Variants in NUDT13 observed in about 807,000 individuals in gnomAD.
The protein encoded by NUDT13 is nudix hydrolase 13, also known as NAD(P)H pyrophosphatase NUDT13, mitochondrial.
In NUDT13, 40 loss-of-function variants were observed where a neutral mutation model predicts 41.7. The ratio of observed to expected loss-of-function variants is 0.96; its 90% CI spans 0.75 to 1.25. NUDT13 has a LOEUF of 1.25. Among genes scored for constraint, NUDT13 ranks in the 50% most tolerant of loss-of-function variants. NUDT13 has a pLI of 0.00. For missense variants in NUDT13, 390 were observed against 416.1 expected, an observed-to-expected ratio of 0.94 and a Z score of 0.55; for synonymous variants, 145 against 155.5, an observed-to-expected ratio of 0.93 and a Z score of 0.50.
chr10:73,120,156 A>G lies in NUDT13; in HGVS notation c.222A>G (p.Leu74=). The G allele has an allele frequency of 6.2e-7, 1 of 1,614,184 alleles. No homozygotes were observed. The highest frequency in any genetic ancestry group is 8.5e-7 in the Non-Finnish European group (1 of 1,180,018). Residue 74 remains leucine (L), a splice_region_variant and synonymous_variant, in exon 3 of 9, where the codon TTA becomes TTG. Transcript: ENST00000357321. ...HQYLAPRHSL[L]ELERLLGKFG... ...ACCTGGCCCCCCGGCACAGCCTGTT[A>G]GGTAAGTCCAGAGTGGACCAGTGGC...
chr10:73,113,647 C>T (rs1842425322), intron 1 of NUDT13, among the ~76,000 whole-genome samples: 1 of 152,098 alleles, frequency 6.6e-6, no homozygotes, highest in African/African-American at 2.4e-5. Context: ...TCAATAAATA[C>T]TTTGTTGAAT....
intron 2 of NUDT13, among the ~76,000 whole-genome samples, chr10:73,116,942 G>T (rs1443507308): frequency 4.8e-5 from 6 of 123,864 alleles, no homozygotes; most frequent in Admixed American, 2.1e-4. Context: ...CTGGACTGCA[G>T]TGGTGTGATC....
intron 1 of NUDT13, among the ~76,000 whole-genome samples, chr10:73,111,695 T>TA (rs1842371003): frequency 6.6e-6 from 1 of 152,214 alleles, no homozygotes; most frequent in Non-Finnish European, 1.5e-5. Flanking sequence ...GCAGCCATGA[T>TA]AATCTACAAC....
chr10:73,128,982 TA>T (rs903725122), intron 8 of NUDT13, among the ~76,000 whole-genome samples: 58 of 152,318 alleles, frequency 3.8e-4, no homozygotes, highest in African/African-American at 1.3e-3. Context: ...CAACACTGTT[TA>T]TATAAGACAA....
At chr10:73,116,840 T>C (rs1842524686) in intron 2 of NUDT13, among the ~76,000 whole-genome samples, 2 of 151,698 alleles carry the variant, frequency 1.3e-5, no homozygotes, top group Admixed American at 1.3e-4. Context: ...TTGTTGGACA[T>C]TTAGATTGCG....
intron 2 of NUDT13, among the ~76,000 whole-genome samples, chr10:73,116,701 C>T (rs1347417105): frequency 6.6e-6 from 1 of 151,860 alleles, no homozygotes; most frequent in Non-Finnish European, 1.5e-5. Context: ...GAGATCGTGT[C>T]ATTGCACTCT....
intron 8 of NUDT13, among the ~76,000 whole-genome samples, chr10:73,129,873 G>A (rs959747436): frequency 1.6e-4 from 24 of 150,988 alleles, no homozygotes; most frequent in Admixed American, 1.6e-3. Flanking sequence ...CCAGCTACTC[G>A]GGAGGCTGAG....
chr10:73,130,750 T>C lies in NUDT13; in HGVS notation c.906T>C (p.His302=). 1 of 1,613,954 alleles carries C rather than the reference T, an allele frequency of 6.2e-7. No homozygotes were observed. Among genetic ancestry groups the C allele is most frequent in the Non-Finnish European group, 8.5e-7 (1 of 1,179,948 alleles). Residue 302 remains histidine, a synonymous_variant, in exon 9 of 9, where the codon CAT becomes CAC. Transcript: ENST00000357321. The part of the protein sequence containing the change: ...RELETAAWFS[H]DEVATALKRK... ...TAGAGACAGCTGCCTGGTTCAGTCA[T>C]GATGAGGTAGCCACAGCCCTGAAGA...
At position 73,131,016 on chromosome 10, in the gene NUDT13, G is replaced by A; in HGVS notation, c.*113G>A. ...GCTGCAGAAGGACCTCAGAAGGGCA[G>A]AGCAAAGGGTGAGCCTACAGTAAGA... is the stretch of plus-strand genomic sequence containing the variant. On this transcript the variant is annotated 3_prime_UTR_variant, in exon 9 of 9. Coordinates refer to ENST00000357321, the MANE Select transcript of NUDT13 (RefSeq NM_015901.6). 1.2e-6 allele frequency: 1 copy of A among 830,624 alleles called. No individual in the cohort carries two copies. The highest frequency in any genetic ancestry group is 1.5e-5 in the South Asian group (1 of 65,432). 51.5% of individuals were successfully genotyped at this position (830,624 alleles called of 1,614,324 possible). A position where few individuals can be genotyped will look rare whatever the true frequency, so the allele number is the denominator to read the frequency against.
intron 8 of NUDT13, among the ~76,000 whole-genome samples, chr10:73,129,338 A>G (rs1334525507): frequency 6.6e-6 from 1 of 151,578 alleles, no homozygotes; most frequent in Non-Finnish European, 1.5e-5. Flanking sequence ...ATGCCCGGCT[A>G]ATTTTTGTAT....
chr10:73,114,998 A>G (rs1282385175), intron 2 of NUDT13: 1 of 152,122 alleles, frequency 6.6e-6, no homozygotes, highest in Non-Finnish European at 1.5e-5. Flanking sequence ...TAAAAACCCA[A>G]AAGGACAGGG....
chr10:73,124,197 C>G lies in NUDT13; in HGVS notation c.359-17C>G. 6.5e-7 allele frequency: 1 copy of G among 1,544,824 alleles called. No homozygotes were observed. Among genetic ancestry groups the G allele is most frequent in the Non-Finnish European group, 8.9e-7 (1 of 1,121,398 alleles). ...GTTTGTCATTGTTTAATTTCATTATCTTTTCTAATTTTCTAGCCTCCTTAC... is the reference window on the plus strand; with the variant it reads ...GTTTGTCATTGTTTAATTTCATTATGTTTTCTAATTTTCTAGCCTCCTTAC... On this transcript the variant is annotated splice_polypyrimidine_tract_variant and intron_variant, in intron 4 of 8. Transcript: ENST00000357321.
At chr10:73,119,482 T>C (rs1165833346) in intron 2 of NUDT13, 1 of 985,652 alleles carries the variant, frequency 1.0e-6, no homozygotes, top group African/African-American at 1.7e-5. Flanking sequence ...ATACAGTGTT[T>C]ACTCTTTGTC....
chr10:73,120,108 G>A lies in NUDT13; in HGVS notation c.174G>A (p.Leu58=). ...ACCTCTTTCATAGTCTGGCTCCTCT[G>A]CTTCAGACTTCAGCACATCAATACC... ...AFYLFHSLAP[L]LQTSAHQYLA... The change falls in exon 3 of 9, where the codon CTG becomes CTA. Residue 58 remains leucine (L), a synonymous_variant. Transcript: ENST00000357321. The A allele has an allele frequency of 6.2e-7, 1 of 1,614,180 alleles. No homozygotes were observed. Among genetic ancestry groups the A allele is most frequent in the East Asian group, 2.2e-5 (1 of 44,884 alleles).
At chr10:73,110,973 G>A (rs1842350911) in intron 1 of NUDT13, among the ~76,000 whole-genome samples, 1 of 152,040 alleles carries the variant, frequency 6.6e-6, no homozygotes, top group South Asian at 2.1e-4. Flanking sequence ...GTCCACAGTC[G>A]TGGAGAAACG....
rs560262761 is a variant in NUDT13, at chr10:73,112,529, CAAAA to C, written c.-9-1824_-9-1821del. 2.6e-4 allele frequency among the ~76,000 whole-genome samples: 39 copies of C among 150,640 alleles called. No individual in the cohort carries two copies. In the South Asian group the frequency reaches 7.9e-3, roughly 31 times the overall value. ...TTAAAGTATAATATATACTTTTTGA[CAAAA>C]AAAGTATATATTTATAGTTTACAAT... On this transcript the variant is annotated intron_variant, in intron 1 of 8. Transcript: ENST00000357321.
intron 4 of NUDT13, 109 bp downstream of exon 4, chr10:73,122,418 C>A (rs1409169555): frequency 2.8e-6 from 3 of 1,066,062 alleles, no homozygotes; most frequent in Admixed American, 4.9e-5. Flanking sequence ...AGGTTATCAA[C>A]TTTCTATTTT....
At chr10:73,128,933 T>C (rs59909855) in intron 8 of NUDT13, among the ~76,000 whole-genome samples, 7,986 of 152,276 alleles carry the variant, frequency 0.052, 659 homozygotes, top group African/African-American at 0.17. Flanking sequence ...AAGATAACGG[T>C]CCGATTTCAT....
chr10:73,121,027 C>T (rs911834159), intron 3 of NUDT13, among the ~76,000 whole-genome samples: 2 of 151,958 alleles, frequency 1.3e-5, no homozygotes, highest in African/African-American at 4.8e-5. Flanking sequence ...CTTTTAGAAC[C>T]CTTTTAGCAT....
Sources: allele counts gnomAD v4.1 joint callset (sites outside exome capture counted in the v4.1 genomes callset), GRCh38; gene constraint gnomAD v4.1.1; transcripts MANE v1.5; gene names NCBI Gene and HGNC (gene_info 2026-07-23, HGNC 2026-07-21).